Variants in SULT2A1 observed in about 807,000 individuals in gnomAD.
SULT2A1 encodes the protein sulfotransferase 2A1.
SULT2A1 carries 43 observed loss-of-function variants against 33.9 expected under a neutral mutation model. The observed-to-expected ratio is 1.27, with a 90% CI of 1.00 to 1.64. The LOEUF (loss-of-function observed/expected upper bound fraction) is 1.64, where lower values mean the gene tolerates loss of function less well. Among genes scored for constraint, SULT2A1 ranks in the 40% most tolerant of loss-of-function variants. The pLI is 0.00. For synonymous variants in SULT2A1, 125 were observed against 113.6 expected (o/e 1.10, Z -0.64); for missense variants, 300 against 335.1 (o/e 0.90, Z 0.82).
Position 47,886,216 on chromosome 19 carries a change from A to G in SULT2A1, c.42T>C (p.Pro14=), listed in dbSNP as rs1806076094. 1 of 1,614,056 alleles carries G rather than the reference A, an allele frequency of 6.2e-7. No individual in the cohort carries two copies. The highest frequency in any genetic ancestry group is 8.5e-7 in the Non-Finnish European group (1 of 1,180,038). Residue 14 remains proline (P), a synonymous_variant, in exon 1 of 6, where the codon CCT becomes CCC. Transcript: ENST00000222002. The part of the protein sequence containing the change: ...DFLWFEGIAF[P]TMGFRSETLR... ...AGGTTTCGGATCTGAAACCCATAGTAGGGAAAGCTATGCCTTCAAACCATA... is the reference window on the plus strand; with the variant it reads ...AGGTTTCGGATCTGAAACCCATAGTGGGGAAAGCTATGCCTTCAAACCATA...
intron 3 of SULT2A1, among the ~76,000 whole-genome samples, chr19:47,879,950 A>C (rs1600036558): frequency 7.3e-6 from 1 of 137,570 alleles, no homozygotes; most frequent in East Asian, 2.2e-4. Flanking sequence ...TAAAAAAAAA[A>C]CCTAGGCCAG....
At chr19:47,884,807 T>TTTTTC (rs1302292416) in intron 1 of SULT2A1, among the ~76,000 whole-genome samples, 1 of 118,064 alleles carries the variant, frequency 8.5e-6, no homozygotes, top group African/African-American at 3.5e-5. Flanking sequence ...TCAACCACTT[T>TTTTTC]TTTTTTTTTT....
chr19:47,874,327 T>C (rs1274365982), intron 5 of SULT2A1, among the ~76,000 whole-genome samples: 4 of 151,778 alleles, frequency 2.6e-5, no homozygotes, highest in East Asian at 2.0e-4. Context: ...GATCACAAGG[T>C]CAGGAGATCG....
At chr19:47,877,211 T>G (rs2122147246) in intron 4 of SULT2A1, among the ~76,000 whole-genome samples, 1 of 140,672 alleles carries the variant, frequency 7.1e-6, no homozygotes, top group Middle Eastern at 3.6e-3. Flanking sequence ...TATTTTCTCT[T>G]TTATGTGAGA....
chr19:47,880,979 T>C (rs945973983), intron 3 of SULT2A1, among the ~76,000 whole-genome samples: 1 of 152,284 alleles, frequency 6.6e-6, no homozygotes, highest in Non-Finnish European at 1.5e-5. Flanking sequence ...ATTAGACTCA[T>C]GCTAGTCTTT....
chr19:47,874,594 G>T, intron 5 of SULT2A1, 63 bp downstream of exon 5: 8 of 1,118,584 alleles, frequency 7.2e-6, no homozygotes, highest in Non-Finnish European at 7.8e-6. Context: ...GCGCCCAGTT[G>T]TGACCATAGG....
Position 47,871,195 on chromosome 19 carries a change from T to G in SULT2A1, c.*260A>C. ...TTAGTAGAGATGGGGTTTCACCGTG[T>G]TAGCCAGGATGGTCTCAGTCTCCTG... On this transcript the variant is annotated 3_prime_UTR_variant, in exon 6 of 6. Transcript: ENST00000222002. The G allele has an allele frequency of 2.9e-6, 1 of 347,460 alleles. No homozygotes were observed. Among genetic ancestry groups the G allele is most frequent in the Non-Finnish European group, 5.2e-6 (1 of 192,036 alleles). The allele number at this position is 347,460 out of a possible 1,614,324, so 21.5% of individuals were successfully genotyped here. A position where few individuals can be genotyped will look rare whatever the true frequency, so the allele number is the denominator to read the frequency against.
intron 2 of SULT2A1, among the ~76,000 whole-genome samples, chr19:47,883,352 C>T (rs916601628): frequency 2.6e-5 from 4 of 151,996 alleles, no homozygotes; most frequent in Non-Finnish European, 5.9e-5. Flanking sequence ...CACCCTATCC[C>T]TGGTTTAAAT....
chr19:47,882,117 C>T lies in SULT2A1; in HGVS notation c.439G>A (p.Glu147Lys), dbSNP rs751309613. Residue 147 changes from glutamate to lysine, a missense_variant, in exon 3 of 6, where the codon GAA (glutamate) becomes AAA (lysine). Coordinates refer to ENST00000222002, the MANE Select transcript of SULT2A1 (RefSeq NM_003167.4). ...MKFIKKPKSW[E>K]EYFEWFCQGT... ...TGACAAAACCATTCAAAATATTCTT[C>T]CCATGACTTTGGTTTCTTAATAAAC... 3.7e-6 allele frequency: 6 copies of T among 1,613,796 alleles called. No individual in the cohort carries two copies. Among genetic ancestry groups the T allele is most frequent in the Admixed American group, 3.3e-5 (2 of 59,944 alleles).
rs781199635 is a variant in SULT2A1, at chr19:47,886,179, G to A, written c.79C>T (p.Arg27Cys). The A allele has an allele frequency of 1.1e-4, 181 of 1,613,824 alleles. No individual in the cohort carries two copies. Among genetic ancestry groups the A allele is most frequent in the Non-Finnish European group, 1.5e-4 (175 of 1,179,974 alleles). Residue 27 changes from arginine (R) to cysteine (C), a missense_variant, in exon 1 of 6, where the codon CGT (arginine) becomes TGT (cysteine). Physicochemically the swap from Arg to Cys is radical, Grantham distance 180. Coordinates refer to ENST00000222002, the MANE Select transcript of SULT2A1 (RefSeq NM_003167.4). ...TCATCCCTTATCACGAACTCATCAC[G>A]TACTTTTCTTAAGGTTTCGGATCTG... ...GFRSETLRKV[R>C]DEFVIRDEDV...
intron 3 of SULT2A1, among the ~76,000 whole-genome samples, chr19:47,881,830 TAA>T (rs1259220121): frequency 1.3e-5 from 2 of 152,002 alleles, no homozygotes; most frequent in African/African-American, 4.8e-5. Flanking sequence ...GAGGAGAATA[TAA>T]GTTTCCTGTG....
In SULT2A1 at chr19:47,883,624, G is replaced by C. The variant is rs760295858; in HGVS notation, c.298C>G (p.Leu100Val). ...TESPRLFSSH[L>V]PIQLFPKSFF... is the part of the protein sequence containing the mutation. ...GACTTGGGGAATAACTGGATGGGGAGGTGGGAGGAGAATAAACGTGGACTC... is the reference window on the plus strand; with the variant it reads ...GACTTGGGGAATAACTGGATGGGGACGTGGGAGGAGAATAAACGTGGACTC... The change falls in exon 2 of 6, where the codon CTC (leucine) becomes GTC (valine). Residue 100 changes from leucine to valine, a missense_variant. By Grantham distance (32) the Leu-to-Val change is conservative. Coordinates refer to ENST00000222002, the MANE Select transcript of SULT2A1 (RefSeq NM_003167.4). 3 of 1,613,930 alleles carry C rather than the reference G, an allele frequency of 1.9e-6. No individual in the cohort carries two copies. The African/African-American group carries it at 4.0e-5, about 22-fold the overall frequency.
At chr19:47,882,787 C>T (rs1001240271) in intron 2 of SULT2A1, among the ~76,000 whole-genome samples, 1 of 152,046 alleles carries the variant, frequency 6.6e-6, no homozygotes, top group Non-Finnish European at 1.5e-5. Flanking sequence ...TGGTGGCGCA[C>T]ACCTCTAGTC....
chr19:47,883,743 T>A lies in SULT2A1; in HGVS notation c.179A>T (p.Lys60Met). ...AGATTGGATCCACTTGGCATCCCCC[T>A]TGGAGTGCATCAGGCAGAGAATCTC... is the stretch of plus-strand genomic sequence containing the variant. The part of the protein sequence containing the change: ...LAEILCLMHS[K>M]GDAKWIQSVP... The change falls in exon 2 of 6, where the codon AAG becomes ATG. Residue 60 changes from lysine to methionine, a missense_variant. Lys to Met is a moderately conservative substitution (Grantham distance 95). Coordinates refer to ENST00000222002, the MANE Select transcript of SULT2A1 (RefSeq NM_003167.4). The A allele has an allele frequency of 6.2e-7, 1 of 1,614,060 alleles. No homozygotes were observed. Among genetic ancestry groups the A allele is most frequent in the Non-Finnish European group, 8.5e-7 (1 of 1,180,002 alleles).
intron 4 of SULT2A1, among the ~76,000 whole-genome samples, chr19:47,876,723 T>C (rs1262241658): frequency 6.9e-6 from 1 of 144,880 alleles, no homozygotes; most frequent in East Asian, 2.1e-4. Context: ...TGAACTGAGA[T>C]TGCGCCACTG....
rs1968576218 is a variant in SULT2A1 at position 47,879,023 on chromosome 19, A to G, written c.567+13T>C. 1.9e-6 allele frequency: 3 copies of G among 1,565,612 alleles called. No individual in the cohort carries two copies. In the African/African-American group the frequency reaches 4.0e-5, roughly 21 times the overall value. Reference sequence around the variant, plus strand: ...GAGAGGGTGTGCACTGACTCTAAAAATGATGGGATTACCTGTTTCAGCTCC... The same window carrying G: ...GAGAGGGTGTGCACTGACTCTAAAAGTGATGGGATTACCTGTTTCAGCTCC... On this transcript the variant is annotated intron_variant, in intron 4 of 5. Transcript: ENST00000222002.
intron 4 of SULT2A1, among the ~76,000 whole-genome samples, chr19:47,875,232 G>A (rs1968532851): frequency 6.6e-6 from 1 of 151,560 alleles, no homozygotes; most frequent in African/African-American, 2.4e-5. Flanking sequence ...AGAATGAGGA[G>A]GAGGAGGAAG....
At chr19:47,886,055 C>A in intron 1 of SULT2A1, 67 bp downstream of exon 1, 1 of 1,570,084 alleles carries the variant, frequency 6.4e-7, no homozygotes, top group South Asian at 1.2e-5. Context: ...GGAAGAACTC[C>A]AATCATGCAC....
intron 4 of SULT2A1, among the ~76,000 whole-genome samples, chr19:47,878,284 C>T (rs907466426): frequency 6.6e-6 from 1 of 151,692 alleles, no homozygotes; most frequent in African/African-American, 2.4e-5. Context: ...TCAAGTAATT[C>T]CCCTGGCCTC....
Sources: allele counts gnomAD v4.1 joint callset (sites outside exome capture counted in the v4.1 genomes callset), GRCh38; gene constraint gnomAD v4.1.1; transcripts MANE v1.5; gene names NCBI Gene and HGNC (gene_info 2026-07-23, HGNC 2026-07-21).